The following COL25A1 variants were observed in gnomAD, a reference collection of about 807,000 sequenced individuals.
COL25A1 encodes collagen alpha-1(XXV) chain.
In COL25A1, 103 loss-of-function variants were observed where a neutral mutation model predicts 128.4. The ratio of observed to expected loss-of-function variants is 0.80; its 90% CI spans 0.68 to 0.94. COL25A1 has a LOEUF of 0.94. COL25A1 is among the 40% of genes least tolerant of loss of function. The pLI, the probability that COL25A1 is intolerant of heterozygous loss-of-function variation, is 0.00. For missense variants in COL25A1, 745 were observed against 840.0 expected, an observed-to-expected ratio of 0.89 and a Z score of 1.40; for synonymous variants, 279 against 277.2, an observed-to-expected ratio of 1.01 and a Z score of -0.06.
At chr4:109,241,494 C>CAGGG (rs1779894112) in intron 3 of COL25A1, among the ~76,000 whole-genome samples, 1 of 151,650 alleles carries the variant, frequency 6.6e-6, no homozygotes, top group Admixed American at 6.6e-5. Context: ...ATATATACAC[C>CAGGG]AGGGAGGGTG....
chr4:109,180,819 T>C (rs1033352029), intron 3 of COL25A1, among the ~76,000 whole-genome samples: 8 of 152,148 alleles, frequency 5.3e-5, no homozygotes, highest in Non-Finnish European at 8.8e-5. Flanking sequence ...GTTACTCACA[T>C]TTTCAATGAA....
At chr4:108,850,952 C>A (rs190585689) in intron 26 of COL25A1, among the ~76,000 whole-genome samples, 21 of 151,974 alleles carry the variant, frequency 1.4e-4, no homozygotes, top group Non-Finnish European at 8.8e-5. Flanking sequence ...AGAGAAAAGT[C>A]CTGGAAACTT....
chr4:108,968,918 C>G (rs770865380), intron 8 of COL25A1, among the ~76,000 whole-genome samples: 14 of 152,172 alleles, frequency 9.2e-5, no homozygotes, highest in Non-Finnish European at 8.8e-5. Flanking sequence ...TTTTCAACTT[C>G]ATCCCCTACA....
intron 3 of COL25A1, among the ~76,000 whole-genome samples, chr4:109,247,175 C>T (rs1780322577): frequency 6.6e-6 from 1 of 152,022 alleles, no homozygotes; most frequent in Admixed American, 6.5e-5. Context: ...ACCAGCCTGG[C>T]CAACATGGTA....
chr4:108,940,665 C>G lies in COL25A1; in HGVS notation c.565-19G>C. On this transcript the variant is annotated intron_variant, in intron 9 of 37. Transcript: ENST00000399132. ...GGTCACCCTGTGATGGAGAAGGGAA[C>G]AGACCAGCAATAACCATGAAAGATA... The G allele has an allele frequency of 1.3e-6, 2 of 1,501,190 alleles. No individual in the cohort carries two copies. Among genetic ancestry groups the G allele is most frequent in the Non-Finnish European group, 1.8e-6 (2 of 1,105,518 alleles). The allele number at this position is 1,501,190 out of a possible 1,614,324, so 93.0% of individuals were successfully genotyped here.
chr4:108,837,994 C>T (rs1166929510), intron 31 of COL25A1: 12 of 816,822 alleles, frequency 1.5e-5, no homozygotes, highest in Non-Finnish European at 2.1e-5. Flanking sequence ...TTTCTAATTA[C>T]AGAAACCTCA....
intron 16 of COL25A1, among the ~76,000 whole-genome samples, chr4:108,894,932 C>CA (rs1186639482): frequency 2.0e-5 from 3 of 152,158 alleles, no homozygotes; most frequent in African/African-American, 7.2e-5. Flanking sequence ...TAACGTTTGA[C>CA]AATACCTGGA....
chr4:109,217,308 C>T, intron 3 of COL25A1, among the ~76,000 whole-genome samples: 1 of 151,528 alleles, frequency 6.6e-6, no homozygotes, highest in Non-Finnish European at 1.5e-5. Context: ...TTGTTTTGAC[C>T]ATATTTTAAA....
chr4:108,857,568 T>TA (rs34515408), intron 24 of COL25A1, among the ~76,000 whole-genome samples: 10,371 of 139,156 alleles, frequency 0.075, 396 homozygotes, highest in African/African-American at 0.12. Flanking sequence ...AAAATAGATT[T>TA]AAAAAAAAAA....
intron 3 of COL25A1, among the ~76,000 whole-genome samples, chr4:109,185,057 G>A (rs896340231): frequency 5.3e-5 from 8 of 152,150 alleles, no homozygotes; most frequent in Non-Finnish European, 1.5e-5. Flanking sequence ...AGAAAGTGTT[G>A]TGAGCAGTCA....
chr4:109,271,269 A>C (rs527249902), intron 3 of COL25A1, among the ~76,000 whole-genome samples: 198 of 152,342 alleles, frequency 1.3e-3, no homozygotes, highest in African/African-American at 4.3e-3. Context: ...GAAGGTCAAT[A>C]AAATAAGGTT....
chr4:108,932,658 T>C lies in COL25A1; in HGVS notation c.708+5150A>G, dbSNP rs146086182. Among the ~76,000 whole-genome samples the C allele has an allele frequency of 3.3e-3, 503 of 152,310 alleles. 2 individuals carry two copies. The highest frequency in any genetic ancestry group is 0.012 in the African/African-American group (481 of 41,568). On this transcript the variant is annotated intron_variant, in intron 11 of 37. Transcript: ENST00000399132. The stretch of plus-strand genomic sequence containing the variant: ...AGACAATTTGGAACAAAAAATAATA[T>C]ACATGAAACTGGAGCAATTTGGTAT...
chr4:109,074,555 A>T (rs1763238987), intron 3 of COL25A1, among the ~76,000 whole-genome samples: 1 of 152,222 alleles, frequency 6.6e-6, no homozygotes, highest in Non-Finnish European at 1.5e-5. Context: ...TATAATCCAA[A>T]GAGTTCTCCC....
At chr4:109,124,730 C>T (rs1418764789) in intron 3 of COL25A1, among the ~76,000 whole-genome samples, 1 of 151,864 alleles carries the variant, frequency 6.6e-6, no homozygotes, top group Non-Finnish European at 1.5e-5. Flanking sequence ...AAGATTTCTA[C>T]CCAAAATCAA....
intron 16 of COL25A1, among the ~76,000 whole-genome samples, chr4:108,892,534 G>C (rs1741632195): frequency 6.6e-6 from 1 of 152,190 alleles, no homozygotes; most frequent in African/African-American, 2.4e-5. Context: ...GGAGATAACA[G>C]TGAACAATGA....
chr4:108,872,878 T>C (rs1738937203), intron 19 of COL25A1, among the ~76,000 whole-genome samples: 1 of 152,108 alleles, frequency 6.6e-6, no homozygotes, highest in African/African-American at 2.4e-5. Context: ...TTTTCAGTTT[T>C]AACTTCTTTT....
chr4:108,947,250 T>G (rs895708226), intron 8 of COL25A1, among the ~76,000 whole-genome samples: 1 of 152,004 alleles, frequency 6.6e-6, no homozygotes, highest in Non-Finnish European at 1.5e-5. Flanking sequence ...GAGACCAGCC[T>G]GGCCAACATG....
At chr4:109,199,123 A>G (rs913375601) in intron 3 of COL25A1, among the ~76,000 whole-genome samples, 2 of 152,204 alleles carry the variant, frequency 1.3e-5, no homozygotes, top group East Asian at 3.8e-4. Flanking sequence ...AGAATTACCT[A>G]GTATTTTTAA....
At chr4:108,858,177 A>C (rs529910897) in intron 24 of COL25A1, among the ~76,000 whole-genome samples, 16 of 152,270 alleles carry the variant, frequency 1.1e-4, no homozygotes, top group African/African-American at 3.8e-4. Context: ...CTTGGGCTTG[A>C]TAGAACAGAC....
Sources: allele counts gnomAD v4.1 joint callset (sites outside exome capture counted in the v4.1 genomes callset), GRCh38; gene constraint gnomAD v4.1.1; transcripts MANE v1.5; gene names NCBI Gene and HGNC (gene_info 2026-07-23, HGNC 2026-07-21).